Variants in CADPS2 observed in about 807,000 individuals in gnomAD.
CADPS2 encodes the protein calcium dependent secretion activator 2, also known as calcium-dependent secretion activator 2.
Under a neutral mutation model 172.5 loss-of-function variants are expected in CADPS2, and 93 were observed. The observed-to-expected ratio is 0.54, with a 90% CI of 0.46 to 0.64. The LOEUF is 0.64. Ranked by LOEUF, CADPS2 falls within the 30% of genes least tolerant of loss-of-function variation. The pLI, the probability that CADPS2 is intolerant of heterozygous loss-of-function variation, is 0.00. For missense variants in CADPS2, 1,420 were observed against 1,565.9 expected, an observed-to-expected ratio of 0.91 and a Z score of 1.57; for synonymous variants, 546 against 555.2, an observed-to-expected ratio of 0.98 and a Z score of 0.23.
At chr7:122,382,839 T>G (rs1563199184) in intron 24 of CADPS2, among the ~76,000 whole-genome samples, 1 of 152,030 alleles carries the variant, frequency 6.6e-6, no homozygotes, top group African/African-American at 2.4e-5. Flanking sequence ...GAAAAGGTAA[T>G]GCTTATACAC....
intron 2 of CADPS2, among the ~76,000 whole-genome samples, chr7:122,674,812 G>C (rs893011353): frequency 2.6e-5 from 4 of 152,176 alleles, no homozygotes; most frequent in Non-Finnish European, 4.4e-5. Flanking sequence ...AAAAGTACAA[G>C]AGTCTCACTT....
intron 1 of CADPS2, among the ~76,000 whole-genome samples, chr7:122,752,666 T>C (rs1033894827): frequency 1.3e-5 from 2 of 152,118 alleles, no homozygotes; most frequent in African/African-American, 2.4e-5. Flanking sequence ...CCAAAATGCC[T>C]AGTGTTCTAC....
chr7:122,351,372 C>CAAAAAAAAAAAAA lies in CADPS2; in HGVS notation c.3505-5704_3505-5692dup, dbSNP rs398048049. ...TGGGTGACAGAGCGAGACTCCGTCTCAAAAAAAAAAAAAAAAAAAAAAAAA... is the reference window on the plus strand; with the variant it reads ...TGGGTGACAGAGCGAGACTCCGTCTCAAAAAAAAAAAAAAAAAAAAAAAAAAAAAAAAAAAAAA... On this transcript the variant is annotated intron_variant, in intron 27 of 29. Transcript: ENST00000449022. Among the ~76,000 whole-genome samples the CAAAAAAAAAAAAA allele has an allele frequency of 7.8e-3, 225 of 28,926 alleles. 27 individuals carry two copies. Among genetic ancestry groups the CAAAAAAAAAAAAA allele is most frequent in the African/African-American group, 0.01 (70 of 6,824 alleles). The allele number at this position is 28,926 out of a possible 152,430, so 19.0% of individuals were successfully genotyped here.
Position 122,854,003 on chromosome 7 carries a change from C to T in CADPS2, c.339+31996G>A, listed in dbSNP as rs549114924. On this transcript the variant is annotated intron_variant, in intron 1 of 29. Transcript: ENST00000449022. ...TTCCTTCAAAGAGCCTACAGCAATTCGTTAACACCAACAGACTCCAGGCCA... is the reference window on the plus strand; with the variant it reads ...TTCCTTCAAAGAGCCTACAGCAATTTGTTAACACCAACAGACTCCAGGCCA... Among the ~76,000 whole-genome samples the T allele has an allele frequency of 9.8e-5, 15 of 152,286 alleles. No homozygotes were observed. In the South Asian group the frequency reaches 2.5e-3, roughly 25 times the overall value.
intron 6 of CADPS2, among the ~76,000 whole-genome samples, chr7:122,602,104 A>C (rs1479543295): frequency 6.6e-6 from 1 of 152,006 alleles, no homozygotes. Flanking sequence ...TTTGAGTTAA[A>C]AGTTTCCGTT....
At chr7:122,383,447 A>G (rs2043256292) in intron 24 of CADPS2, among the ~76,000 whole-genome samples, 1 of 152,106 alleles carries the variant, frequency 6.6e-6, no homozygotes, top group African/African-American at 2.4e-5. Context: ...AAAAGTTGAA[A>G]TTTAAAAGAA....
intron 14 of CADPS2, among the ~76,000 whole-genome samples, chr7:122,456,368 G>A (rs931305213): frequency 6.6e-6 from 1 of 152,034 alleles, no homozygotes; most frequent in Non-Finnish European, 1.5e-5. Flanking sequence ...TGGTTCTGAT[G>A]AGAAGAAAGG....
chr7:122,485,406 G>A (rs2057704735), intron 11 of CADPS2, among the ~76,000 whole-genome samples: 1 of 152,184 alleles, frequency 6.6e-6, no homozygotes, highest in East Asian at 1.9e-4. Flanking sequence ...CAGCCTTATT[G>A]CTGATATGAA....
intron 1 of CADPS2, among the ~76,000 whole-genome samples, chr7:122,866,415 G>A (rs546608517): frequency 6.6e-6 from 1 of 152,130 alleles, no homozygotes; most frequent in African/African-American, 2.4e-5. Context: ...CAAAGTCTCT[G>A]GTGGCCGGGT....
intron 9 of CADPS2, among the ~76,000 whole-genome samples, chr7:122,505,000 T>C (rs561490278): frequency 6.6e-6 from 1 of 152,336 alleles, no homozygotes; most frequent in South Asian, 2.1e-4. Context: ...TAGTTTTAGA[T>C]ACTAAATTTG....
Position 122,320,182 on chromosome 7 carries a change from C to G in CADPS2, c.3874G>C (p.Glu1292Gln). Residue 1292 changes from glutamate to glutamine, a missense_variant, in exon 30 of 30, where the codon GAA becomes CAA. By Grantham distance (29) the Glu-to-Gln change is conservative (BLOSUM62 2). Coordinates refer to ENST00000449022, the MANE Select transcript of CADPS2 (RefSeq NM_017954.11). ...LQGITMKDSDEEEEG is the reference protein window; with the variant it reads ...LQGITMKDSDQEEEG Reference sequence around the variant, plus strand: ...GTGTGATATCAGCCTTCTTCTTCTTCGTCACTGTCTTTCATAGTAATGCCC... The same window carrying G: ...GTGTGATATCAGCCTTCTTCTTCTTGGTCACTGTCTTTCATAGTAATGCCC... The G allele has an allele frequency of 6.2e-7, 1 of 1,602,992 alleles. No homozygotes were observed. The highest frequency in any genetic ancestry group is 8.5e-7 in the Non-Finnish European group (1 of 1,175,244).
At chr7:122,500,126 C>A (rs952695095) in intron 9 of CADPS2, among the ~76,000 whole-genome samples, 2 of 152,160 alleles carry the variant, frequency 1.3e-5, no homozygotes, top group Non-Finnish European at 2.9e-5. Context: ...AAAAATATCA[C>A]CTTTATGTTT....
Position 122,379,412 on chromosome 7 carries a change from T to C in CADPS2, c.3343A>G (p.Ile1115Val), listed in dbSNP as rs1186330843. 7 of 1,603,786 alleles carry C rather than the reference T, an allele frequency of 4.4e-6. No homozygotes were observed. The highest frequency in any genetic ancestry group is 6.0e-6 in the Non-Finnish European group (7 of 1,172,578). The change falls in exon 25 of 30, where the codon ATC (isoleucine) becomes GTC (valine). Residue 1115 changes from isoleucine to valine, a missense_variant. Coordinates refer to ENST00000449022, the MANE Select transcript of CADPS2 (RefSeq NM_017954.11). The part of the protein sequence containing the change: ...QQYHSKIDDL[I>V]DNSVKEIISL... ...ATGATTTCTTTTACACTGTTGTCGA[T>C]CAGATCATCTATTTTTGAATGGTAC... is the stretch of plus-strand genomic sequence containing the variant.
intron 1 of CADPS2, among the ~76,000 whole-genome samples, chr7:122,808,955 C>A (rs1275742047): frequency 6.6e-6 from 1 of 152,068 alleles, no homozygotes; most frequent in African/African-American, 2.4e-5. Flanking sequence ...TAATAATTTT[C>A]ATTAAATGTA....
intron 1 of CADPS2, chr7:122,849,654 G>A: frequency 3.2e-6 from 1 of 316,224 alleles, no homozygotes; most frequent in Non-Finnish European, 6.1e-6. Context: ...GTAGCCAGCT[G>A]CTATGGCTGC....
chr7:122,671,201 G>A (rs1400120506), intron 2 of CADPS2, among the ~76,000 whole-genome samples: 1 of 152,148 alleles, frequency 6.6e-6, no homozygotes, highest in African/African-American at 2.4e-5. Context: ...TGGACAGTAA[G>A]TTCCATGAAG....
At chr7:122,662,378 T>C (rs1440080539) in intron 3 of CADPS2, among the ~76,000 whole-genome samples, 1 of 32,846 alleles carries the variant, frequency 3.0e-5, no homozygotes, top group African/African-American at 1.6e-4. Context: ...TTCCCTGCTT[T>C]TTTTTTTTTT....
intron 2 of CADPS2, among the ~76,000 whole-genome samples, chr7:122,713,336 G>A (rs139272389): frequency 5.2e-4 from 79 of 152,104 alleles, no homozygotes; most frequent in African/African-American, 1.9e-3. Flanking sequence ...TACAACTTAG[G>A]CAACCTATCT....
At chr7:122,510,001 T>C (rs1389712128) in intron 9 of CADPS2, among the ~76,000 whole-genome samples, 2 of 152,134 alleles carry the variant, frequency 1.3e-5, no homozygotes, top group African/African-American at 4.8e-5. Context: ...TAGCAAAATA[T>C]AGAATGAAGT....
Sources: gnomAD v4.1 joint callset for allele counts (sites outside exome capture counted in the v4.1 genomes callset) on GRCh38, gnomAD v4.1.1 for gene constraint, MANE v1.5 for transcripts, NCBI Gene and HGNC (gene_info 2026-07-23, HGNC 2026-07-21) for gene names.